The following CHST9 variants were observed in gnomAD, a reference collection of about 807,000 sequenced individuals.
The protein encoded by CHST9 is carbohydrate sulfotransferase 9, also known as GalNAc-4-sulfotransferase 2.
A neutral mutation model predicts 44.4 loss-of-function variants in CHST9; 41 were observed. That is an observed-to-expected ratio of 0.92 (90% confidence interval 0.72 to 1.20). The LOEUF (loss-of-function observed/expected upper bound fraction) is 1.20, where lower values mean the gene tolerates loss of function less well. Among genes scored for constraint, CHST9 ranks in the 50% most tolerant of loss-of-function variants. The pLI, the probability that CHST9 is intolerant of heterozygous loss-of-function variation, is 0.00. For missense variants in CHST9, 504 were observed against 516.5 expected (o/e 0.98, Z 0.23); for synonymous variants, 171 against 178.4 (o/e 0.96, Z 0.33).
intron 1 of CHST9, among the ~76,000 whole-genome samples, chr18:27,164,079 T>C (rs956280515): frequency 2.6e-5 from 4 of 152,208 alleles, no homozygotes; most frequent in African/African-American, 9.7e-5. Context: ...AGCAAGATGT[T>C]GTTTGCTATA....
intron 5 of CHST9, among the ~76,000 whole-genome samples, chr18:26,920,793 G>A (rs1196627527): frequency 6.6e-6 from 1 of 152,184 alleles, no homozygotes; most frequent in Non-Finnish European, 1.5e-5. Context: ...TGGCAAAAGA[G>A]AAAACAAATA....
At chr18:27,147,476 T>A (rs768674590) in intron 1 of CHST9, among the ~76,000 whole-genome samples, 1 of 152,096 alleles carries the variant, frequency 6.6e-6, no homozygotes, top group Admixed American at 6.5e-5. Flanking sequence ...GGGCTTGCTG[T>A]TCCCAGATGA....
At chr18:27,072,280 G>A (rs2057848997) in intron 2 of CHST9, among the ~76,000 whole-genome samples, 1 of 152,200 alleles carries the variant, frequency 6.6e-6, no homozygotes. Context: ...AAGCCAGGAT[G>A]TAGAATATCC....
At chr18:26,931,694 G>A (rs2055880441) in intron 5 of CHST9, among the ~76,000 whole-genome samples, 1 of 152,186 alleles carries the variant, frequency 6.6e-6, no homozygotes, top group Non-Finnish European at 1.5e-5. Context: ...AGTTACAGGA[G>A]ACCTCCTGAA....
At chr18:26,972,750 G>T (rs2056566035) in intron 4 of CHST9, among the ~76,000 whole-genome samples, 1 of 152,212 alleles carries the variant, frequency 6.6e-6, no homozygotes, top group African/African-American at 2.4e-5. Context: ...GCAAGACAGT[G>T]ATCCAGATGA....
intron 5 of CHST9, among the ~76,000 whole-genome samples, chr18:26,938,263 A>G (rs1022225027): frequency 1.3e-5 from 2 of 152,204 alleles, no homozygotes; most frequent in African/African-American, 4.8e-5. Flanking sequence ...TTTTCTAGGT[A>G]GAAGCCATCT....
At chr18:27,069,882 T>C (rs2057821050) in intron 2 of CHST9, among the ~76,000 whole-genome samples, 1 of 152,166 alleles carries the variant, frequency 6.6e-6, no homozygotes, top group African/African-American at 2.4e-5. Flanking sequence ...AGCAGTAAAT[T>C]AGTTGGCATT....
intron 5 of CHST9, among the ~76,000 whole-genome samples, chr18:26,941,921 T>G (rs57465464): frequency 0.11 from 16,043 of 152,206 alleles, 1,775 homozygotes; most frequent in African/African-American, 0.28. Context: ...CACTCCTGAT[T>G]TCTCACGTTG....
intron 3 of CHST9, among the ~76,000 whole-genome samples, chr18:27,038,740 C>T (rs1415790507): frequency 6.6e-6 from 1 of 151,982 alleles, no homozygotes; most frequent in African/African-American, 2.4e-5. Context: ...TTATTGTTTC[C>T]ATAGACTACA....
chr18:26,962,919 C>T (rs953345507), intron 4 of CHST9, among the ~76,000 whole-genome samples: 14 of 152,094 alleles, frequency 9.2e-5, no homozygotes, highest in Non-Finnish European at 1.5e-4. Context: ...AGAAATCATT[C>T]GTGAGATGGG....
intron 4 of CHST9, among the ~76,000 whole-genome samples, chr18:26,987,208 A>G (rs1335822326): frequency 6.6e-6 from 1 of 152,170 alleles, no homozygotes; most frequent in South Asian, 2.1e-4. Flanking sequence ...TCTTGAGGGA[A>G]TGGATTAGTT....
chr18:27,183,235 T>C (rs1249935000), intron 1 of CHST9, among the ~76,000 whole-genome samples: 1 of 152,200 alleles, frequency 6.6e-6, no homozygotes, highest in Non-Finnish European at 1.5e-5. Flanking sequence ...GAGCTTATGG[T>C]GTAATAAGCC....
intron 4 of CHST9, among the ~76,000 whole-genome samples, chr18:26,978,575 A>G (rs1306566308): frequency 6.6e-6 from 1 of 152,190 alleles, no homozygotes; most frequent in Non-Finnish European, 1.5e-5. Context: ...AGAAGTGTCT[A>G]TCATGTGAGT....
At chr18:27,047,259 A>G (rs1240218773) in intron 3 of CHST9, among the ~76,000 whole-genome samples, 1 of 152,120 alleles carries the variant, frequency 6.6e-6, no homozygotes, top group Non-Finnish European at 1.5e-5. Context: ...AGAAGGTAGT[A>G]CATACAGCAT....
chr18:27,116,529 A>T (rs986140378), intron 2 of CHST9, among the ~76,000 whole-genome samples: 11 of 152,122 alleles, frequency 7.2e-5, no homozygotes, highest in Non-Finnish European at 1.0e-4. Context: ...TGAAAGTGTG[A>T]TTCTTCCAAC....
intron 3 of CHST9, among the ~76,000 whole-genome samples, chr18:27,028,606 A>G (rs2057307843): frequency 6.6e-6 from 1 of 151,820 alleles, no homozygotes; most frequent in Middle Eastern, 3.2e-3. Flanking sequence ...GGAGTGCAGT[A>G]GCACGATCTC....
At position 27,165,195 on chromosome 18, in the gene CHST9, A is replaced by G. The variant is rs530270735; in HGVS notation, c.-97+19941T>C. 3.3e-5 allele frequency among the ~76,000 whole-genome samples: 5 copies of G among 152,360 alleles called. No homozygotes were observed. In the East Asian group the frequency reaches 9.6e-4, roughly 29 times the overall value. On this transcript the variant is annotated intron_variant, in intron 1 of 5. Coordinates refer to ENST00000618847, the MANE Select transcript of CHST9 (RefSeq NM_031422.6). Reference sequence around the variant, plus strand: ...ATGGTTTGTTTTAAAATCTAGACAGAATATTTAGACAATGATGAAGAGCTT... The same window carrying G: ...ATGGTTTGTTTTAAAATCTAGACAGGATATTTAGACAATGATGAAGAGCTT...
chr18:27,077,761 C>T (rs190264390), intron 2 of CHST9, among the ~76,000 whole-genome samples: 66 of 152,244 alleles, frequency 4.3e-4, no homozygotes, highest in African/African-American at 1.4e-3. Context: ...CATATAAAGA[C>T]AGAAAAATAT....
intron 2 of CHST9, among the ~76,000 whole-genome samples, chr18:27,052,592 G>A (rs2057581226): frequency 6.6e-6 from 1 of 152,036 alleles, no homozygotes; most frequent in Non-Finnish European, 1.5e-5. Context: ...ATCTACTTAG[G>A]TTTTAAAGCC....
Sources: allele counts gnomAD v4.1 joint callset (sites outside exome capture counted in the v4.1 genomes callset), GRCh38; gene constraint gnomAD v4.1.1; transcripts MANE v1.5; gene names NCBI Gene and HGNC (gene_info 2026-07-23, HGNC 2026-07-21).